THSD4: variants seen among roughly 807,000 people sequenced by gnomAD.
THSD4 encodes thrombospondin type 1 domain containing 4, also known as thrombospondin type-1 domain-containing protein 4.
Under a neutral mutation model 119.0 loss-of-function variants are expected in THSD4, and 69 were observed. The ratio of observed to expected loss-of-function variants is 0.58; its 90% CI spans 0.48 to 0.71. The LOEUF (loss-of-function observed/expected upper bound fraction) is 0.71, where lower values mean the gene tolerates loss of function less well. Ranked by LOEUF, THSD4 falls within the 30% of genes least tolerant of loss-of-function variation. THSD4 has a pLI of 0.00. For missense variants in THSD4, 1,393 were observed against 1,391.1 expected, an observed-to-expected ratio of 1.00 and a Z score of -0.02; for synonymous variants, 524 against 540.4, an observed-to-expected ratio of 0.97 and a Z score of 0.42.
intron 3 of THSD4, among the ~76,000 whole-genome samples, chr15:71,204,287 C>T (rs59808970): frequency 0.037 from 5,677 of 152,260 alleles, 374 homozygotes; most frequent in African/African-American, 0.13. Flanking sequence ...ATGCAGATCA[C>T]ATCCAAATAT....
chr15:71,630,013 C>G (rs2050592609), intron 7 of THSD4, among the ~76,000 whole-genome samples: 1 of 152,174 alleles, frequency 6.6e-6, no homozygotes, highest in Non-Finnish European at 1.5e-5. Context: ...CCTCCTGTCT[C>G]TAGTTGGAAT....
At chr15:71,453,012 T>G (rs915273250) in intron 7 of THSD4, among the ~76,000 whole-genome samples, 1 of 152,220 alleles carries the variant, frequency 6.6e-6, no homozygotes, top group Non-Finnish European at 1.5e-5. Context: ...TATCTCTGTC[T>G]CTGCTCATAA....
chr15:71,638,255 C>T (rs181598209), intron 7 of THSD4, among the ~76,000 whole-genome samples: 2 of 152,126 alleles, frequency 1.3e-5, no homozygotes, highest in African/African-American at 4.8e-5. Flanking sequence ...ATAGTGTAGA[C>T]AAGTGAATAC....
intron 5 of THSD4, among the ~76,000 whole-genome samples, chr15:71,250,253 G>A (rs2044246058): frequency 6.6e-6 from 1 of 152,188 alleles, no homozygotes; most frequent in Non-Finnish European, 1.5e-5. Flanking sequence ...ATAGCAGAGG[G>A]GAAGGAAGCC....
At chr15:71,138,984 A>T (rs1018092732) in intron 1 of THSD4, among the ~76,000 whole-genome samples, 1 of 120,556 alleles carries the variant, frequency 8.3e-6, no homozygotes, top group Admixed American at 8.3e-5. Flanking sequence ...TCCCCCCCCC[A>T]TTTTACAGAT....
At chr15:71,299,974 A>AT (rs1285846370) in intron 6 of THSD4, among the ~76,000 whole-genome samples, 1,458 of 36,328 alleles carry the variant, frequency 0.04, 6 homozygotes, top group South Asian at 0.049. Context: ...AAAAAAAAAA[A>AT]AAATATATAT....
At chr15:71,720,482 A>T (rs932199688) in intron 8 of THSD4, among the ~76,000 whole-genome samples, 1 of 152,234 alleles carries the variant, frequency 6.6e-6, no homozygotes, top group African/African-American at 2.4e-5. Flanking sequence ...ATGAATATCT[A>T]TATGATTTCC....
chr15:71,373,111 G>T (rs879778981), intron 6 of THSD4, among the ~76,000 whole-genome samples: 1 of 152,196 alleles, frequency 6.6e-6, no homozygotes, highest in Non-Finnish European at 1.5e-5. Flanking sequence ...TTAGGGTTGG[G>T]GTTGGAAACA....
chr15:71,633,118 G>T (rs939828349), intron 7 of THSD4, among the ~76,000 whole-genome samples: 5 of 152,158 alleles, frequency 3.3e-5, no homozygotes, highest in African/African-American at 1.2e-4. Flanking sequence ...TCAGGTTCTT[G>T]TTGTAAGTCA....
chr15:71,467,622 G>C (rs1435234530), intron 7 of THSD4, among the ~76,000 whole-genome samples: 9 of 152,092 alleles, frequency 5.9e-5, no homozygotes, highest in Admixed American at 5.9e-4. Flanking sequence ...TTCAAGGAAG[G>C]GTCAGAAAAT....
chr15:71,395,476 TC>T (rs1358916637), intron 6 of THSD4, among the ~76,000 whole-genome samples: 1 of 152,170 alleles, frequency 6.6e-6, no homozygotes, highest in East Asian at 1.9e-4. Flanking sequence ...GTGCTGTGGC[TC>T]ACACCTGTAA....
chr15:71,230,857 GC>G (rs2044055205), intron 4 of THSD4, among the ~76,000 whole-genome samples: 1 of 152,170 alleles, frequency 6.6e-6, no homozygotes, highest in Non-Finnish European at 1.5e-5. Context: ...TTACCTTTGT[GC>G]GAATCCAAAA....
rs141399893 is a variant in THSD4, at chr15:71,549,170, G to A, written c.1153-111360G>A. ...AGTGCTCAGCGTTTGAGAGAGGAAG[G>A]CAGAGGTTTTGTCTTATGAGTTAAA... On this transcript the variant is annotated intron_variant, in intron 7 of 17. Transcript: ENST00000261862. 3.9e-5 allele frequency among the ~76,000 whole-genome samples: 6 copies of A among 152,358 alleles called. No homozygotes were observed. The East Asian group carries it at 1.2e-3, about 29-fold the overall frequency.
chr15:71,616,769 G>T (rs1369852193), intron 7 of THSD4, among the ~76,000 whole-genome samples: 1 of 152,210 alleles, frequency 6.6e-6, no homozygotes, highest in East Asian at 1.9e-4. Context: ...CCTGCATTGG[G>T]CAAGAGGCTT....
chr15:71,388,429 T>C (rs1321965911), intron 6 of THSD4, among the ~76,000 whole-genome samples: 1 of 152,206 alleles, frequency 6.6e-6, no homozygotes, highest in Non-Finnish European at 1.5e-5. Flanking sequence ...CATCTTCATT[T>C]CCAAAGGACG....
intron 7 of THSD4, among the ~76,000 whole-genome samples, chr15:71,587,531 C>G (rs1372378550): frequency 1.8e-5 from 2 of 113,448 alleles, no homozygotes; most frequent in African/African-American, 5.8e-5. Context: ...GAACAAAAAA[C>G]CAAACACCGC....
intron 15 of THSD4, among the ~76,000 whole-genome samples, chr15:71,761,558 G>A (rs1456606277): frequency 3.9e-5 from 6 of 152,030 alleles, no homozygotes; most frequent in Non-Finnish European, 5.9e-5. Context: ...AGAATTCATT[G>A]GTTTTTAGTA....
chr15:71,773,885 A>G (rs1191287780), intron 17 of THSD4, among the ~76,000 whole-genome samples: 3 of 152,346 alleles, frequency 2.0e-5, no homozygotes, highest in East Asian at 1.9e-4. Context: ...TCATCCTACA[A>G]TTGATAGCAT....
intron 7 of THSD4, among the ~76,000 whole-genome samples, chr15:71,653,142 G>C (rs1875414): frequency 0.29 from 44,656 of 152,060 alleles, 7,252 homozygotes; most frequent in East Asian, 0.7. Context: ...CTACCAAGTC[G>C]CAGGTACTGT....
Sources: gnomAD v4.1 joint callset for allele counts (sites outside exome capture counted in the v4.1 genomes callset) on GRCh38, gnomAD v4.1.1 for gene constraint, MANE v1.5 for transcripts, NCBI Gene and HGNC (gene_info 2026-07-23, HGNC 2026-07-21) for gene names.